The following RAB5C variants were observed in gnomAD, a reference collection of about 807,000 sequenced individuals.
RAB5C encodes RAB5C, member RAS oncogene family, also known as ras-related protein Rab-5C.
In RAB5C, 4 loss-of-function variants were observed where a neutral mutation model predicts 25.2. That is an observed-to-expected ratio of 0.16 (90% CI 0.08 to 0.36). The LOEUF (loss-of-function observed/expected upper bound fraction) is 0.36, where lower values mean the gene tolerates loss of function less well. Among genes scored for constraint, RAB5C ranks in the 10% least tolerant of loss-of-function variants. The pLI, the probability that RAB5C is intolerant of heterozygous loss-of-function variation, is 1.00. For synonymous variants in RAB5C, 100 were observed against 106.4 expected (o/e 0.94, Z 0.37); for missense variants, 199 against 283.8 (o/e 0.70, Z 2.15).
intron 4 of RAB5C, 49 bp downstream of exon 4, chr17:42,128,212 G>C (rs1383123823): frequency 4.4e-6 from 7 of 1,584,472 alleles, no homozygotes; most frequent in South Asian, 1.1e-5. Context: ...GGCGAGGCCG[G>C]GGGGAGCTGC....
intron 1 of RAB5C, among the ~76,000 whole-genome samples, chr17:42,138,447 T>G (rs2054559248): frequency 6.6e-6 from 1 of 152,238 alleles, no homozygotes; most frequent in South Asian, 2.1e-4. Context: ...AAACCTAGAC[T>G]TGGGGGAGGC....
rs566529754 is a variant in RAB5C, at chr17:42,135,581, CG to C, written c.-88-4992del. Among the ~76,000 whole-genome samples, 152 of 152,256 alleles carry C rather than the reference CG, an allele frequency of 1.0e-3. 1 individual carries two copies. The South Asian group carries it at 0.018, about 18-fold the overall frequency. ...AATCCAAGAGACAGAAAGGCACCCC[CG>C]ATCAGTGCTGTGCACAACTCGTAAG... On this transcript the variant is annotated intron_variant, in intron 1 of 5. Coordinates refer to ENST00000346213, the MANE Select transcript of RAB5C (RefSeq NM_004583.4).
rs150823688 is a variant in RAB5C, at chr17:42,125,092, C to G, written c.*691G>C. On this transcript the variant is annotated 3_prime_UTR_variant, in exon 6 of 6. Coordinates refer to ENST00000346213, the MANE Select transcript of RAB5C (RefSeq NM_004583.4). ...TGGTTCCGTCCCCTCCCACTCCCCC[C>G]CTTACCCACCCACCCCCAAATACTC... 0.011 allele frequency: 1,707 copies of G among 152,448 alleles called. 98 individuals carry two copies. The South Asian group carries it at 0.12, about 11-fold the overall frequency. The allele number at this position is 152,448 out of a possible 1,614,324, so 9.4% of individuals were successfully genotyped here.
rs1411039444 is a variant in RAB5C at position 42,130,567 on chromosome 17, C to T, written c.-65G>A. ...GGGACTGGTGCTATGCAAAGAGGCA[C>T]TTAGTGGGGAGGGGGACCTCCAACT... On this transcript the variant is annotated 5_prime_UTR_variant, in exon 2 of 6. It adds an upstream start codon to the 5' untranslated region. Transcript: ENST00000346213. The T allele has an allele frequency of 6.3e-7, 1 of 1,594,116 alleles. No homozygotes were observed. The highest frequency in any genetic ancestry group is 8.6e-7 in the Non-Finnish European group (1 of 1,168,754).
chr17:42,143,968 T>G (rs1287301064), intron 1 of RAB5C, among the ~76,000 whole-genome samples: 3 of 151,848 alleles, frequency 2.0e-5, no homozygotes, highest in African/African-American at 7.3e-5. Context: ...GTATTTTTAG[T>G]AGAGATAGGG....
chr17:42,148,819 G>A (rs1183853702), intron 1 of RAB5C, among the ~76,000 whole-genome samples: 1 of 152,186 alleles, frequency 6.6e-6, no homozygotes, highest in East Asian at 1.9e-4. Context: ...GGGTCAAGGA[G>A]AGGCTGTATT....
rs139506698 is a variant in RAB5C, at chr17:42,141,738, G to A, written c.-88-11148C>T. ...TGTCACTGAACCCATTTCCTCACAC[G>A]TAAAATGGAGAGACCAGTACCACCC... is the stretch of plus-strand genomic sequence containing the variant. On this transcript the variant is annotated intron_variant, in intron 1 of 5. Transcript: ENST00000346213. Among the ~76,000 whole-genome samples, 577 of 152,250 alleles carry A rather than the reference G, an allele frequency of 3.8e-3. 3 individuals carry two copies. Among genetic ancestry groups the A allele is most frequent in the African/African-American group, 0.013 (550 of 41,530 alleles).
intron 1 of RAB5C, among the ~76,000 whole-genome samples, chr17:42,133,476 A>G (rs1156788726): frequency 2.0e-5 from 3 of 152,224 alleles, no homozygotes; most frequent in Non-Finnish European, 2.9e-5. Context: ...GGGGAGACAA[A>G]TAACTCTCCT....
At chr17:42,147,328 T>C (rs1373106632) in intron 1 of RAB5C, among the ~76,000 whole-genome samples, 1 of 152,210 alleles carries the variant, frequency 6.6e-6, no homozygotes, top group Non-Finnish European at 1.5e-5. Flanking sequence ...TTAAGCCACC[T>C]TCACTCAGGA....
chr17:42,148,880 A>T (rs2079653156), intron 1 of RAB5C, among the ~76,000 whole-genome samples: 7 of 151,972 alleles, frequency 4.6e-5, no homozygotes, highest in Admixed American at 4.6e-4. Flanking sequence ...ATAGTCCCCC[A>T]CTCTAACATG....
intron 2 of RAB5C, chr17:42,130,092 G>C (rs2054469078): frequency 1.9e-6 from 1 of 519,348 alleles, no homozygotes; most frequent in Admixed American, 3.5e-5. Flanking sequence ...AGATCAAGAA[G>C]GGGCAGAAAC....
At chr17:42,146,614 T>C (rs2079636415) in intron 1 of RAB5C, among the ~76,000 whole-genome samples, 1 of 152,158 alleles carries the variant, frequency 6.6e-6, no homozygotes, top group Non-Finnish European at 1.5e-5. Flanking sequence ...CTGGGCATGG[T>C]GGCGTACGCC....
At chr17:42,143,148 G>T (rs1357487020) in intron 1 of RAB5C, among the ~76,000 whole-genome samples, 1 of 152,162 alleles carries the variant, frequency 6.6e-6, no homozygotes, top group Admixed American at 6.5e-5. Flanking sequence ...TGATTCTCAG[G>T]GGGTAGATTT....
At chr17:42,144,787 C>T (rs1245323252) in intron 1 of RAB5C, among the ~76,000 whole-genome samples, 10 of 151,730 alleles carry the variant, frequency 6.6e-5, no homozygotes, top group Admixed American at 3.3e-4. Flanking sequence ...ATTAGCTGGG[C>T]GTGGTGGCGG....
At chr17:42,128,417 G>C in intron 3 of RAB5C, 34 bp from the exon 4 acceptor site, 2 of 1,598,922 alleles carry the variant, frequency 1.3e-6, no homozygotes, top group South Asian at 1.1e-5. Flanking sequence ...CGAAGGGACA[G>C]AGAAGGCATT....
At chr17:42,140,511 ATATATTTTTTTTTTTTTT>A (rs2054585678) in intron 1 of RAB5C, among the ~76,000 whole-genome samples, 1 of 36,020 alleles carries the variant, frequency 2.8e-5, no homozygotes, top group African/African-American at 3.3e-4. Flanking sequence ...ATATATATAT[ATATATTTTTTTTTTTTTT>A]TTTTTTTTTT....
At chr17:42,149,862 T>C (rs1444899782) in intron 1 of RAB5C, among the ~76,000 whole-genome samples, 1 of 150,598 alleles carries the variant, frequency 6.6e-6, no homozygotes, top group Admixed American at 6.6e-5. Context: ...GGTCTCATTA[T>C]GTTGCCCAGG....
Position 42,130,374 on chromosome 17 carries a change from C to T in RAB5C, c.129G>A (p.Lys43=), listed in dbSNP as rs752963370. 1 of 1,613,882 alleles carries T rather than the reference C, an allele frequency of 6.2e-7. No individual in the cohort carries two copies. The highest frequency in any genetic ancestry group is 2.2e-5 in the East Asian group (1 of 44,874). ...GKSSLVLRFV[K]GQFHEYQEST... ...TCTCCTGGTACTCGTGAAACTGTCC[C>T]TTGACAAAGCGGAGGACGAGGCTGG... Residue 43 remains lysine, a synonymous_variant, in exon 2 of 6, where the codon AAG becomes AAA. Coordinates refer to ENST00000346213, the MANE Select transcript of RAB5C (RefSeq NM_004583.4).
At chr17:42,147,144 AAGAGAGAGAGAG>A (rs572493429) in intron 1 of RAB5C, among the ~76,000 whole-genome samples, 9 of 99,620 alleles carry the variant, frequency 9.0e-5, no homozygotes, top group Admixed American at 9.0e-5. Flanking sequence ...GAAAGAAAGA[AAGAGAGAGAGAG>A]AGAGAGAGAG....
Sources: gnomAD v4.1 joint callset for allele counts (sites outside exome capture counted in the v4.1 genomes callset) on GRCh38, gnomAD v4.1.1 for gene constraint, MANE v1.5 for transcripts, NCBI Gene and HGNC (gene_info 2026-07-23, HGNC 2026-07-21) for gene names.